The following BAX variants were observed in gnomAD, a reference collection of about 807,000 sequenced individuals.
The protein encoded by BAX is apoptosis regulator BAX.
In BAX, 21 loss-of-function variants were observed where a neutral mutation model predicts 26.8. The observed-to-expected ratio is 0.78, with a 90% confidence interval of 0.56 to 1.13. BAX has a LOEUF of 1.13. BAX is among the 50% of genes most tolerant of loss of function. The probability of loss-of-function intolerance (pLI) is 0.00; values close to 1 mark genes in which losing one functional copy is unlikely to be tolerated. For synonymous variants in BAX, 110 were observed against 101.8 expected (o/e 1.08, Z -0.49); for missense variants, 236 against 254.6 (o/e 0.93, Z 0.50).
At chr19:48,961,183 C>T (rs1188239843) in intron 5 of BAX, 7 of 1,510,672 alleles carry the variant, frequency 4.6e-6, no homozygotes, top group Middle Eastern at 1.8e-4. Context: ...CTTCTGCCCT[C>T]CCTGGAGCCT....
At chr19:48,961,012 C>T in intron 5 of BAX, 98 bp downstream of exon 5, 2 of 1,611,510 alleles carry the variant, frequency 1.2e-6, no homozygotes. Context: ...GGACCCTGGG[C>T]CTTCTGGAGC....
At position 48,961,674 on chromosome 19, in the gene BAX, A is replaced by T. The variant is rs2038367186; in HGVS notation, c.*38A>T. 6.6e-7 allele frequency: 1 copy of T among 1,514,270 alleles called. No homozygotes were observed. Among genetic ancestry groups the T allele is most frequent in the Non-Finnish European group, 9.0e-7 (1 of 1,112,138 alleles). 93.8% of individuals were successfully genotyped at this position (1,514,270 alleles called of 1,614,324 possible). On this transcript the variant is annotated 3_prime_UTR_variant, in exon 6 of 6. Transcript: ENST00000345358. ...CCTTGGACTGTGTTTTTCCTCCATAAATTATGGCATTTTTCTGGGAGGGGT... is the reference window on the plus strand; with the variant it reads ...CCTTGGACTGTGTTTTTCCTCCATATATTATGGCATTTTTCTGGGAGGGGT...
intron 1 of BAX, 163 bp from the exon 2 acceptor site, chr19:48,955,385 C>T: frequency 1.4e-6 from 1 of 739,316 alleles, no homozygotes; most frequent in Non-Finnish European, 2.1e-6. Flanking sequence ...CTTTCTCCAT[C>T]AGGGACTCAG....
intron 4 of BAX, among the ~76,000 whole-genome samples, chr19:48,959,802 G>A (rs976931318): frequency 4.1e-4 from 61 of 149,964 alleles, no homozygotes; most frequent in Non-Finnish European, 6.5e-4. Context: ...CTCCAGCCTG[G>A]GCAACAAGAT....
At chr19:48,958,095 A>AT (rs11400412) in intron 4 of BAX, among the ~76,000 whole-genome samples, 116,842 of 145,168 alleles carry the variant, frequency 0.8, 47,655 homozygotes, top group East Asian at 0.94. Context: ...CGGGGGGGGC[A>AT]TTTTTTTTTT....
chr19:48,959,248 G>C (rs1473672631), intron 4 of BAX, among the ~76,000 whole-genome samples: 1 of 151,060 alleles, frequency 6.6e-6, no homozygotes, highest in South Asian at 2.1e-4. Context: ...TACTCGGGAG[G>C]CTGAGGCAGA....
intron 4 of BAX, among the ~76,000 whole-genome samples, chr19:48,956,747 C>T (rs1454594337): frequency 6.6e-6 from 1 of 150,638 alleles, no homozygotes; most frequent in African/African-American, 2.4e-5. Flanking sequence ...CCTCTGCCTC[C>T]CAGGTTCAAG....
intron 4 of BAX, among the ~76,000 whole-genome samples, chr19:48,958,630 A>C (rs1236529805): frequency 6.8e-6 from 1 of 147,114 alleles, no homozygotes; most frequent in Non-Finnish European, 1.5e-5. Flanking sequence ...TGCAACCTCC[A>C]CCTCCTGGGT....
chr19:48,957,639 G>A (rs921441791), intron 4 of BAX, among the ~76,000 whole-genome samples: 2 of 152,090 alleles, frequency 1.3e-5, no homozygotes, highest in Non-Finnish European at 2.9e-5. Context: ...ATACGGAAGC[G>A]ACAAGACCTG....
rs903311234 is a variant in BAX at position 48,956,711 on chromosome 19, A to G, written c.369+378A>G. 6.9e-4 allele frequency among the ~76,000 whole-genome samples: 102 copies of G among 147,306 alleles called. 1 individual carries two copies. Among genetic ancestry groups the G allele is most frequent in the Admixed American group, 2.7e-4 (4 of 14,554 alleles). On this transcript the variant is annotated intron_variant, in intron 4 of 5. Coordinates refer to ENST00000345358, the MANE Select transcript of BAX (RefSeq NM_138761.4). ...GCTCTTGTTGCCCAGGCTTGAGTGCAATGGCATGATCTTGGTTCACTGCAA... is the reference window on the plus strand; with the variant it reads ...GCTCTTGTTGCCCAGGCTTGAGTGCGATGGCATGATCTTGGTTCACTGCAA...
intron 4 of BAX, among the ~76,000 whole-genome samples, chr19:48,956,819 C>CTTTTTTTTTTT (rs56251427): frequency 1.8e-3 from 160 of 87,368 alleles, no homozygotes; most frequent in Non-Finnish European, 2.3e-3. Flanking sequence ...TTATCCCTGG[C>CTTTTTTTTTTT]TTTTTTTTTT....
chr19:48,957,265 CTTTTTTTTTTTT>C lies in BAX; in HGVS notation c.369+948_369+959del, dbSNP rs61415800. ...GGCTGCTGGAAAGACTTTTTCTTTT[CTTTTTTTTTTTT>C]TTTTTTTTTTTTTTTGAGACAGAGT... On this transcript the variant is annotated intron_variant, in intron 4 of 5. Coordinates refer to ENST00000345358, the MANE Select transcript of BAX (RefSeq NM_138761.4). 7.3e-5 allele frequency among the ~76,000 whole-genome samples: 4 copies of C among 54,934 alleles called. No homozygotes were observed. In the East Asian group the frequency reaches 2.3e-3, roughly 32 times the overall value. 36.0% of individuals were successfully genotyped at this position (54,934 alleles called of 152,430 possible).
chr19:48,958,293 G>C (rs1003598965), intron 4 of BAX, among the ~76,000 whole-genome samples: 2 of 149,694 alleles, frequency 1.3e-5, no homozygotes, highest in South Asian at 4.2e-4. Flanking sequence ...ACGGGGTCTC[G>C]CTATGTTGTC....
In BAX at chr19:48,956,459, G is replaced by C. The variant is rs1037418091; in HGVS notation, c.369+126G>C. ...AGAGGGCATGGAGAGAGATGGCTGT[G>C]CACTGGGTGTCTGCTCCTTCTTTTA... is the stretch of plus-strand genomic sequence containing the variant. On this transcript the variant is annotated intron_variant, in intron 4 of 5. Transcript: ENST00000345358. The C allele has an allele frequency of 1.4e-5, 15 of 1,057,434 alleles. No individual in the cohort carries two copies. In the African/African-American group the frequency reaches 1.7e-4, roughly 12 times the overall value. The allele number at this position is 1,057,434 out of a possible 1,614,324, so 65.5% of individuals were successfully genotyped here.
intron 4 of BAX, among the ~76,000 whole-genome samples, chr19:48,958,669 G>A (rs1319931007): frequency 1.3e-5 from 2 of 151,506 alleles, no homozygotes; most frequent in African/African-American, 2.4e-5. Flanking sequence ...TCAGTCTCCC[G>A]AGTAGCTTGG....
intron 4 of BAX, chr19:48,960,348 C>T (rs2038308203): frequency 5.6e-6 from 2 of 359,086 alleles, no homozygotes; most frequent in Non-Finnish European, 5.5e-6. Context: ...TGCCTGCCAC[C>T]ACACCCAGCT....
Position 48,955,678 on chromosome 19 carries a change from C to G in BAX, c.87-9C>G, listed in dbSNP as rs1393137261. On this transcript the variant is annotated splice_polypyrimidine_tract_variant and intron_variant, in intron 2 of 5. Coordinates refer to ENST00000345358, the MANE Select transcript of BAX (RefSeq NM_138761.4). ...CTGATTCTGCACCCTCACTCCATCC[C>G]CACTCTAGTTTCATCCAGGATCGAG... The G allele has an allele frequency of 1.2e-6, 2 of 1,611,944 alleles. No individual in the cohort carries two copies. Among genetic ancestry groups the G allele is most frequent in the South Asian group, 1.1e-5 (1 of 90,878 alleles).
At chr19:48,956,946 A>G (rs2038160206) in intron 4 of BAX, among the ~76,000 whole-genome samples, 1 of 149,914 alleles carries the variant, frequency 6.7e-6, no homozygotes, top group African/African-American at 2.5e-5. Context: ...TGCTGGGATT[A>G]CAGGCATGAG....
chr19:48,955,170 C>T (rs2038073148), intron 1 of BAX: 2 of 587,156 alleles, frequency 3.4e-6, no homozygotes, highest in Non-Finnish European at 5.0e-6. Flanking sequence ...CTCTGGCGCT[C>T]TCGGACCCTC....
Sources: allele counts gnomAD v4.1 joint callset (sites outside exome capture counted in the v4.1 genomes callset), GRCh38; gene constraint gnomAD v4.1.1; transcripts MANE v1.5; gene names NCBI Gene and HGNC (gene_info 2026-07-23, HGNC 2026-07-21).